The following ALPL variants were observed in gnomAD, a reference collection of about 807,000 sequenced individuals.
ALPL encodes the protein alkaline phosphatase, tissue-nonspecific isozyme.
ALPL carries 42 observed loss-of-function variants against 51.3 expected under a neutral mutation model. The ratio of observed to expected loss-of-function variants is 0.82; its 90% CI spans 0.64 to 1.06. The LOEUF (loss-of-function observed/expected upper bound fraction) is 1.06, where lower values mean the gene tolerates loss of function less well. ALPL is among the 50% of genes least tolerant of loss of function. ALPL has a pLI of 0.00. For missense variants in ALPL, 589 were observed against 709.4 expected (o/e 0.83, Z 1.93); for synonymous variants, 279 against 296.4 (o/e 0.94, Z 0.60).
chr1:21,555,548 C>G (rs1008341528), intron 2 of ALPL, among the ~76,000 whole-genome samples: 7 of 152,144 alleles, frequency 4.6e-5, no homozygotes, highest in Non-Finnish European at 1.0e-4. Flanking sequence ...TCCTGAGTAG[C>G]TGGGATTACA....
rs940402470 is a variant in ALPL at position 21,571,861 on chromosome 1, G to A, written c.862+1487G>A. On this transcript the variant is annotated intron_variant, in intron 8 of 11. Coordinates refer to ENST00000374840, the MANE Select transcript of ALPL (RefSeq NM_000478.6). Reference sequence around the variant, plus strand: ...TTAAAAACTGGCCAGGTGTGGTGGCGCACACCTTTAGTCCCAGCTACTCAG... The same window carrying A: ...TTAAAAACTGGCCAGGTGTGGTGGCACACACCTTTAGTCCCAGCTACTCAG... Among the ~76,000 whole-genome samples the A allele has an allele frequency of 8.6e-5, 13 of 151,932 alleles. 1 individual carries two copies. The highest frequency in any genetic ancestry group is 5.9e-4 in the Admixed American group (9 of 15,242).
In ALPL at chr1:21,575,583, A is replaced by AGGC. The variant is rs144270163; in HGVS notation, c.998-149_998-147dup. ...GGTTGAATGGCTGCGTAAAATGCCT[A>AGGC]GGCTGTGGTGCTAGCTCAGAGTGGT... On this transcript the variant is annotated intron_variant, in intron 9 of 11. Transcript: ENST00000374840. 1,850 of 925,828 alleles carry AGGC rather than the reference A, an allele frequency of 2.0e-3. 28 individuals are homozygous for AGGC. The African/African-American group carries it at 0.026, about 13-fold the overall frequency. 57.4% of individuals were successfully genotyped at this position (925,828 alleles called of 1,614,324 possible). A position where few individuals can be genotyped will look rare whatever the true frequency, so the allele number is the denominator to read the frequency against.
intron 1 of ALPL, among the ~76,000 whole-genome samples, chr1:21,527,760 G>T (rs573731233): frequency 6.6e-6 from 1 of 152,112 alleles, no homozygotes; most frequent in South Asian, 2.1e-4. Context: ...TTGTTGGCTA[G>T]GCTGGTCTCA....
Position 21,541,886 on chromosome 1 carries a change from G to A in ALPL, c.-104-12092G>A, listed in dbSNP as rs145417344. Among the ~76,000 whole-genome samples, 20 of 152,248 alleles carry A rather than the reference G, an allele frequency of 1.3e-4. No individual in the cohort carries two copies. In the East Asian group the frequency reaches 3.9e-3, roughly 29 times the overall value. ...CACCAGGCCTCTGGGGTACTTCCAC[G>A]TCTGTTTCCTGCCAGGATGGGGTGC... is the stretch of plus-strand genomic sequence containing the variant. On this transcript the variant is annotated intron_variant, in intron 1 of 11. Transcript: ENST00000374840.
At chr1:21,515,942 T>C (rs1643791212) in intron 1 of ALPL, among the ~76,000 whole-genome samples, 2 of 152,152 alleles carry the variant, frequency 1.3e-5, no homozygotes, top group Admixed American at 6.5e-5. Flanking sequence ...GGCACGATCA[T>C]GGCTCACTAC....
chr1:21,522,249 ATT>A (rs557372348), intron 1 of ALPL, among the ~76,000 whole-genome samples: 1 of 151,836 alleles, frequency 6.6e-6, no homozygotes, highest in South Asian at 2.1e-4. Context: ...TTTTTGTTGT[ATT>A]TTTTAGTAGA....
At chr1:21,559,950 C>T (rs917440846) in intron 2 of ALPL, among the ~76,000 whole-genome samples, 1 of 152,146 alleles carries the variant, frequency 6.6e-6, no homozygotes, top group African/African-American at 2.4e-5. Flanking sequence ...CCATAAAGCC[C>T]CAGCCAGAAG....
chr1:21,538,691 A>AGG (rs1440738680), intron 1 of ALPL, among the ~76,000 whole-genome samples: 1 of 151,734 alleles, frequency 6.6e-6, no homozygotes, highest in Non-Finnish European at 1.5e-5. Context: ...GATGAGTTGA[A>AGG]GGAGGGGATT....
chr1:21,566,437 C>G (rs1314481775), intron 6 of ALPL, among the ~76,000 whole-genome samples: 1 of 152,080 alleles, frequency 6.6e-6, no homozygotes, highest in African/African-American at 2.4e-5. Context: ...GCGCACATCA[C>G]CACGCCCGGC....
Position 21,573,757 on chromosome 1 carries a change from A to T in ALPL, c.955A>T (p.Ile319Phe). The change falls in exon 9 of 12, where the codon ATC becomes TTC. Residue 319 changes from isoleucine (I) to phenylalanine (F), a missense_variant. Transcript: ENST00000374840. ...CGAGATGGTGGTGGTGGCCATCCAG[A>T]TCCTGCGGAAGAACCCCAAAGGCTT... ...LSEMVVVAIQILRKNPKGFFL... is the reference protein window; with the variant it reads ...LSEMVVVAIQFLRKNPKGFFL... 1 of 1,614,176 alleles carries T rather than the reference A, an allele frequency of 6.2e-7. No homozygotes were observed. The highest frequency in any genetic ancestry group is 8.5e-7 in the Non-Finnish European group (1 of 1,180,036).
chr1:21,510,308 T>C (rs1226522979), intron 1 of ALPL, among the ~76,000 whole-genome samples: 1 of 152,156 alleles, frequency 6.6e-6, no homozygotes, highest in Admixed American at 6.5e-5. Flanking sequence ...TTATGACTCT[T>C]TTTCAACACA....
intron 1 of ALPL, among the ~76,000 whole-genome samples, chr1:21,537,193 G>A (rs937195213): frequency 6.6e-6 from 1 of 152,176 alleles, no homozygotes. Flanking sequence ...ACCGTGCCCG[G>A]CCAGGTTCCT....
intron 1 of ALPL, among the ~76,000 whole-genome samples, chr1:21,515,849 TTGTC>T (rs929212710): frequency 5.2e-5 from 7 of 134,364 alleles, no homozygotes; most frequent in Non-Finnish European, 9.5e-5. Context: ...TTTTGTTTGT[TTGTC>T]TGTTTTGTTT....
At chr1:21,514,338 C>G (rs1478585774) in intron 1 of ALPL, among the ~76,000 whole-genome samples, 1 of 152,202 alleles carries the variant, frequency 6.6e-6, no homozygotes, top group East Asian at 1.9e-4. Flanking sequence ...CACCTTACCC[C>G]TTGCTCCCCA....
intron 2 of ALPL, among the ~76,000 whole-genome samples, chr1:21,556,976 C>T (rs1006936091): frequency 4.6e-5 from 7 of 152,170 alleles, no homozygotes; most frequent in African/African-American, 1.7e-4. Context: ...TGAACCTGTA[C>T]CTGGCTTGCC....
At chr1:21,560,569 T>C in intron 2 of ALPL, 57 bp from the exon 3 acceptor site, 8 of 1,606,192 alleles carry the variant, frequency 5.0e-6, no homozygotes, top group Non-Finnish European at 6.8e-6. Flanking sequence ...GATCTGTACG[T>C]CTGGAGATAG....
intron 10 of ALPL, 145 bp downstream of exon 10, chr1:21,576,069 G>C: frequency 9.6e-7 from 1 of 1,040,994 alleles, no homozygotes; most frequent in Non-Finnish European, 1.5e-6. Context: ...ACTGGGGATG[G>C]GGAGAAAATG....
At chr1:21,551,730 T>TTG (rs1644325640) in intron 1 of ALPL, among the ~76,000 whole-genome samples, 1 of 128,292 alleles carries the variant, frequency 7.8e-6, no homozygotes, top group South Asian at 2.7e-4. Context: ...TTTTTTTTTT[T>TTG]TTTTTTTTTT....
At chr1:21,575,531 G>A (rs758978645) in intron 9 of ALPL, among the ~76,000 whole-genome samples, 23 of 152,188 alleles carry the variant, frequency 1.5e-4, no homozygotes, top group African/African-American at 5.1e-4. Context: ...CTTTGGCACC[G>A]GGGCTGTCCC....
Sources: allele counts gnomAD v4.1 joint callset (sites outside exome capture counted in the v4.1 genomes callset), GRCh38; gene constraint gnomAD v4.1.1; transcripts MANE v1.5; gene names NCBI Gene and HGNC (gene_info 2026-07-23, HGNC 2026-07-21).